The following WNT7A variants were observed in gnomAD, a reference collection of about 807,000 sequenced individuals.
WNT7A encodes the protein Wnt family member 7A.
WNT7A carries 16 observed loss-of-function variants against 28.2 expected under a neutral mutation model. That is an observed-to-expected ratio of 0.57 (90% CI 0.38 to 0.86). The LOEUF (loss-of-function observed/expected upper bound fraction) is 0.86, where lower values mean the gene tolerates loss of function less well. WNT7A is among the 40% of genes least tolerant of loss of function. The probability of loss-of-function intolerance (pLI) is 0.00; values close to 1 mark genes in which losing one functional copy is unlikely to be tolerated. For synonymous variants in WNT7A, 190 were observed against 195.9 expected, an observed-to-expected ratio of 0.97 and a Z score of 0.25; for missense variants, 411 against 489.7, an observed-to-expected ratio of 0.84 and a Z score of 1.52.
chr3:13,828,222 C>T (rs76835189), intron 3 of WNT7A, among the ~76,000 whole-genome samples: 8,639 of 152,214 alleles, frequency 0.057, 526 homozygotes, highest in African/African-American at 0.15. Flanking sequence ...CCACCAGATA[C>T]GAACAGGAGG....
At chr3:13,833,894 C>T (rs1395455494) in intron 3 of WNT7A, among the ~76,000 whole-genome samples, 1 of 152,200 alleles carries the variant, frequency 6.6e-6, no homozygotes, top group Non-Finnish European at 1.5e-5. Context: ...CTAACTTAAT[C>T]CCTTCCCTGG....
intron 2 of WNT7A, among the ~76,000 whole-genome samples, chr3:13,860,944 G>C (rs970733322): frequency 6.6e-6 from 1 of 152,120 alleles, no homozygotes; most frequent in Non-Finnish European, 1.5e-5. Context: ...TATTCACCAG[G>C]CTCTGTTCTA....
At chr3:13,828,083 C>G (rs901567254) in intron 3 of WNT7A, among the ~76,000 whole-genome samples, 5 of 152,208 alleles carry the variant, frequency 3.3e-5, no homozygotes, top group Non-Finnish European at 5.9e-5. Flanking sequence ...GAGGCCTTTC[C>G]TAGCCCCCGA....
intron 2 of WNT7A, among the ~76,000 whole-genome samples, chr3:13,866,015 G>A (rs1231517657): frequency 4.6e-5 from 7 of 152,216 alleles, no homozygotes. Context: ...AAGACCTCCT[G>A]GAGGAGGTGG....
chr3:13,847,714 CA>C (rs1416533102), intron 3 of WNT7A, among the ~76,000 whole-genome samples: 1 of 145,708 alleles, frequency 6.9e-6, no homozygotes, highest in African/African-American at 2.5e-5. Flanking sequence ...CACAAAAGGA[CA>C]AAAACTATAT....
intron 3 of WNT7A, among the ~76,000 whole-genome samples, chr3:13,834,886 G>A (rs1458226286): frequency 3.3e-5 from 5 of 152,174 alleles, no homozygotes; most frequent in Non-Finnish European, 7.4e-5. Context: ...GCAAGGACCC[G>A]GTCTGTCCAT....
intron 2 of WNT7A, among the ~76,000 whole-genome samples, chr3:13,867,147 G>T (rs368699339): frequency 6.6e-6 from 1 of 152,098 alleles, no homozygotes; most frequent in Non-Finnish European, 1.5e-5. Flanking sequence ...CTTACATCCC[G>T]TATCATGTAA....
intron 2 of WNT7A, 45 bp downstream of exon 2, chr3:13,874,902 C>T (rs765132312): frequency 6.3e-7 from 1 of 1,596,516 alleles, no homozygotes; most frequent in South Asian, 1.1e-5. Context: ...TCTGGTGTCC[C>T]TAGAGCCGGT....
intron 3 of WNT7A, among the ~76,000 whole-genome samples, chr3:13,839,759 A>C (rs1442376785): frequency 6.6e-6 from 1 of 152,198 alleles, no homozygotes; most frequent in East Asian, 1.9e-4. Context: ...ATGGCACTAA[A>C]TATAGAAATG....
At chr3:13,829,551 C>T (rs115223770) in intron 3 of WNT7A, among the ~76,000 whole-genome samples, 1,582 of 152,254 alleles carry the variant, frequency 0.01, 15 homozygotes, top group African/African-American at 0.017. Context: ...GGGAGAGCGG[C>T]GCTGTGGGGC....
At position 13,823,779 on chromosome 3, in the gene WNT7A, C is replaced by T. The variant is rs80112147; in HGVS notation, c.571-4356G>A. On this transcript the variant is annotated intron_variant, in intron 3 of 3. Coordinates refer to ENST00000285018, the MANE Select transcript of WNT7A (RefSeq NM_004625.4). ...GGTGTCTGGCCTCAGTAGGCCCTTC[C>T]AGATGGTTTGGCCTGTGGAAGGCAC... 2.0e-3 allele frequency among the ~76,000 whole-genome samples: 303 copies of T among 152,304 alleles called. 1 individual carries two copies. Among genetic ancestry groups the T allele is most frequent in the African/African-American group, 6.3e-3 (261 of 41,564 alleles).
Position 13,874,977 on chromosome 3 carries a change from G to T in WNT7A, c.268C>A (p.Arg90Ser), listed in dbSNP as rs751362548. The change falls in exon 2 of 4, where the codon CGC becomes AGC. Residue 90 changes from arginine to serine, a missense_variant. By Grantham distance (110) the Arg-to-Ser change is moderately radical (BLOSUM62 -1). Transcript: ENST00000285018. ...TTGAGCTCCTTCCCGAAGACGGTGC[G>T]CTCTCCCAGTGCAGAGCAGTTCCAG... ...GRWNCSALGE[R>S]TVFGKELKVG... 6.2e-7 allele frequency: 1 copy of T among 1,614,154 alleles called. No homozygotes were observed. Among genetic ancestry groups the T allele is most frequent in the East Asian group, 2.2e-5 (1 of 44,880 alleles).
chr3:13,818,741 AG>A lies in WNT7A; in HGVS notation c.*202del. 1.3e-6 allele frequency: 1 copy of A among 744,988 alleles called. No individual in the cohort carries two copies. The highest frequency in any genetic ancestry group is 1.8e-5 in the African/African-American group (1 of 56,608). The allele number at this position is 744,988 out of a possible 1,614,324, so 46.1% of individuals were successfully genotyped here. On this transcript the variant is annotated 3_prime_UTR_variant, in exon 4 of 4. Transcript: ENST00000285018. ...CTGGGCTGTGTCTGGGGGAGGGTGG[AG>A]CAGCATTGGGTGTGGAACAGAATAG... is the stretch of plus-strand genomic sequence containing the variant.
rs1356904377 is a variant in WNT7A, at chr3:13,875,157, C to T, written c.88G>A (p.Val30Ile). 1.9e-6 allele frequency: 3 copies of T among 1,614,066 alleles called. No homozygotes were observed. The Admixed American group carries it at 5.0e-5, about 27-fold the overall frequency. Reference protein sequence around the residue: ...YLRIGGFSSVVALGASIICNK... With the variant: ...YLRIGGFSSVIALGASIICNK... ...CAGATGATGCTTGCGCCCAGAGCTA[C>T]CACTGAGGAGAAGCCACTGGAGGGA... Residue 30 changes from valine to isoleucine, a missense_variant, in exon 2 of 4, where the codon GTA becomes ATA. Coordinates refer to ENST00000285018, the MANE Select transcript of WNT7A (RefSeq NM_004625.4).
intron 3 of WNT7A, among the ~76,000 whole-genome samples, chr3:13,846,072 A>T (rs1252548731): frequency 6.6e-6 from 1 of 152,074 alleles, no homozygotes; most frequent in Non-Finnish European, 1.5e-5. Flanking sequence ...CTCACTCACA[A>T]CCGGGTTCCT....
chr3:13,837,098 C>T (rs1694382065), intron 3 of WNT7A, among the ~76,000 whole-genome samples: 1 of 152,114 alleles, frequency 6.6e-6, no homozygotes, highest in Non-Finnish European at 1.5e-5. Context: ...CAAGTGGTAG[C>T]CTCTGATGAG....
At chr3:13,835,454 T>C (rs1694352106) in intron 3 of WNT7A, among the ~76,000 whole-genome samples, 1 of 152,218 alleles carries the variant, frequency 6.6e-6, no homozygotes. Context: ...AAACTGTGCA[T>C]CTGATGAGGG....
At chr3:13,834,121 G>A (rs1694326445) in intron 3 of WNT7A, among the ~76,000 whole-genome samples, 2 of 152,180 alleles carry the variant, frequency 1.3e-5, no homozygotes, top group South Asian at 2.1e-4. Context: ...AGCCTGGCTG[G>A]AAAATGTTTT....
At chr3:13,845,743 G>C (rs990171328) in intron 3 of WNT7A, among the ~76,000 whole-genome samples, 1 of 152,210 alleles carries the variant, frequency 6.6e-6, no homozygotes, top group African/African-American at 2.4e-5. Flanking sequence ...TGCCTGTGGT[G>C]CTCTGGTGGC....
Sources: gnomAD v4.1 joint callset for allele counts (sites outside exome capture counted in the v4.1 genomes callset) on GRCh38, gnomAD v4.1.1 for gene constraint, MANE v1.5 for transcripts, NCBI Gene and HGNC (gene_info 2026-07-23, HGNC 2026-07-21) for gene names.